OGA: variants seen among roughly 807,000 people sequenced by gnomAD.
OGA encodes the protein O-GlcNAcase.
OGA carries 21 observed loss-of-function variants against 102.0 expected under a neutral mutation model. The observed-to-expected ratio is 0.21, with a 90% CI of 0.15 to 0.30. The LOEUF (loss-of-function observed/expected upper bound fraction) is 0.30. Among genes scored for constraint, OGA ranks in the 10% least tolerant of loss-of-function variants. The pLI is 1.00. For missense variants in OGA, 765 were observed against 1,107.8 expected, an observed-to-expected ratio of 0.69 and a Z score of 4.39; for synonymous variants, 408 against 378.2, an observed-to-expected ratio of 1.08 and a Z score of -0.91.
chr10:101,811,627 G>A lies in OGA; in HGVS notation c.350-1313C>T, dbSNP rs187436511. On this transcript the variant is annotated intron_variant, in intron 3 of 15. Coordinates refer to ENST00000361464, the MANE Select transcript of OGA (RefSeq NM_012215.5). ...CTGAGGCGGGAGGATTGCTTGAGCC[G>A]GGGAGATCAAAATTGCAGTGAGTCA... is the stretch of plus-strand genomic sequence containing the variant. Among the ~76,000 whole-genome samples, 126 of 151,826 alleles carry A rather than the reference G, an allele frequency of 8.3e-4. 1 individual carries two copies. The highest frequency in any genetic ancestry group is 2.9e-3 in the African/African-American group (119 of 41,398).
chr10:101,807,755 T>C lies in OGA; in HGVS notation c.627A>G (p.Pro209=). Residue 209 remains proline, a synonymous_variant, in exon 5 of 16, where the codon CCA becomes CCG. Coordinates refer to ENST00000361464, the MANE Select transcript of OGA (RefSeq NM_012215.5). The part of the protein sequence containing the change: ...TNEIYQYLGE[P]ETFLFCPTEY... The stretch of plus-strand genomic sequence containing the variant: ...CTGTGGGACAGAAGAGGAAAGTTTC[T>C]GGCTCTCCTAGGTACTGATAGATTT... The C allele has an allele frequency of 1.2e-6, 2 of 1,600,576 alleles. No homozygotes were observed. Among genetic ancestry groups the C allele is most frequent in the East Asian group, 2.2e-5 (1 of 44,618 alleles).
chr10:101,803,273 G>A (rs1424055390), intron 7 of OGA, among the ~76,000 whole-genome samples: 1 of 151,358 alleles, frequency 6.6e-6, no homozygotes, highest in African/African-American at 2.4e-5. Flanking sequence ...CATTTTATCC[G>A]AATGATTCTA....
At chr10:101,816,661 A>G (rs2065629435) in intron 1 of OGA, among the ~76,000 whole-genome samples, 1 of 152,250 alleles carries the variant, frequency 6.6e-6, no homozygotes, top group Non-Finnish European at 1.5e-5. Context: ...AATACTATAT[A>G]GCAGTTTTCC....
chr10:101,811,511 C>G (rs887710220), intron 3 of OGA, among the ~76,000 whole-genome samples: 1 of 148,674 alleles, frequency 6.7e-6, no homozygotes, highest in East Asian at 2.0e-4. Flanking sequence ...GAGACCAGCA[C>G]AGGCAACATG....
At chr10:101,809,511 T>A (rs1054584643) in intron 4 of OGA, among the ~76,000 whole-genome samples, 1 of 151,520 alleles carries the variant, frequency 6.6e-6, no homozygotes, top group African/African-American at 2.4e-5. Flanking sequence ...AAGTCAGGAG[T>A]TCGAGACCAG....
chr10:101,798,456 G>A (rs2065346107), intron 9 of OGA, among the ~76,000 whole-genome samples: 1 of 149,392 alleles, frequency 6.7e-6, no homozygotes, highest in Non-Finnish European at 1.5e-5. Context: ...CGTCACCCAG[G>A]CTGGAGTACA....
At chr10:101,786,645 G>GTTTT in intron 15 of OGA, 58 bp from the exon 16 acceptor site, 5 of 1,335,398 alleles carry the variant, frequency 3.7e-6, no homozygotes, top group Non-Finnish European at 5.0e-6. Flanking sequence ...TATAATTATA[G>GTTTT]ATATAAAACT....
At chr10:101,793,383 G>T (rs1037339349) in intron 11 of OGA, among the ~76,000 whole-genome samples, 7 of 152,218 alleles carry the variant, frequency 4.6e-5, no homozygotes, top group African/African-American at 1.4e-4. Flanking sequence ...TCAGTTTGCT[G>T]TGCGCAGCAG....
In OGA at chr10:101,799,073, G is replaced by A. The variant is rs1408278205; in HGVS notation, c.1578C>T (p.Pro526=). The part of the protein sequence containing the change: ...MQEDCISDIA[P]MQTDEQTNKE... ...TGTTTGTCTGTTCATCAGTTTGCAT[G>A]GGGGCAATGTCACTAATACAATCTT... is the stretch of plus-strand genomic sequence containing the variant. The change falls in exon 9 of 16, where the codon CCC becomes CCT. Residue 526 remains proline, a synonymous_variant. Coordinates refer to ENST00000361464, the MANE Select transcript of OGA (RefSeq NM_012215.5). 2 of 1,614,208 alleles carry A rather than the reference G, an allele frequency of 1.2e-6. No individual in the cohort carries two copies. The highest frequency in any genetic ancestry group is 3.3e-5 in the Admixed American group (2 of 60,026).
At chr10:101,808,661 C>T (rs1422652140) in intron 4 of OGA, among the ~76,000 whole-genome samples, 2 of 151,938 alleles carry the variant, frequency 1.3e-5, no homozygotes, top group African/African-American at 4.8e-5. Flanking sequence ...ATAGAAAAAC[C>T]AGCAAACTAA....
chr10:101,798,693 C>A (rs775973326), intron 9 of OGA, 149 bp downstream of exon 9: 29 of 1,023,326 alleles, frequency 2.8e-5, no homozygotes, highest in Non-Finnish European at 3.9e-5. Context: ...GGACTACAGG[C>A]ATGAGCCATC....
intron 11 of OGA, among the ~76,000 whole-genome samples, chr10:101,793,510 ATTATAT>A (rs1204836250): frequency 6.6e-6 from 1 of 152,266 alleles, no homozygotes; most frequent in Non-Finnish European, 1.5e-5. Context: ...TTTCAAGCAC[ATTATAT>A]TTATAAAATA....
rs779979300 is a variant in OGA at position 101,798,082 on chromosome 10, G to A, written c.1882C>T (p.Leu628Phe). The A allele has an allele frequency of 1.4e-5, 23 of 1,613,924 alleles. No individual in the cohort carries two copies. The highest frequency in any genetic ancestry group is 1.8e-5 in the Non-Finnish European group (21 of 1,179,954). The change falls in exon 10 of 16, where the codon CTC becomes TTC. Residue 628 changes from leucine to phenylalanine, a missense_variant. By Grantham distance (22) the Leu-to-Phe change is conservative (BLOSUM62 0). Around this residue, in one of 7 missense-constraint regions of OGA, gnomAD observed 281 missense variants for 345.8 expected, o/e 0.81. Coordinates refer to ENST00000361464, the MANE Select transcript of OGA (RefSeq NM_012215.5). ...ATTGTCCTGTTGGCACAATTGGAGA[G>A]CCGAGTGAACATTCCCATCACTAGT... The part of the protein sequence containing the change: ...CGLVMGMFTR[L>F]SNCANRTILY...
chr10:101,817,793 G>C, intron 1 of OGA, 31 bp downstream of exon 1: 1 of 1,534,718 alleles, frequency 6.5e-7, no homozygotes, highest in Non-Finnish European at 8.7e-7. Context: ...ACGTGTTAGT[G>C]CCAAAACGGG....
At chr10:101,806,359 C>A (rs1212272196) in intron 5 of OGA, among the ~76,000 whole-genome samples, 1 of 152,196 alleles carries the variant, frequency 6.6e-6, no homozygotes, top group Non-Finnish European at 1.5e-5. Context: ...CACGCCGCCA[C>A]GCCCGGCTAA....
At chr10:101,791,224 A>G (rs566988136) in intron 13 of OGA, 130 bp downstream of exon 13, 30 of 1,204,588 alleles carry the variant, frequency 2.5e-5, no homozygotes, top group Non-Finnish European at 3.2e-5. Context: ...AAATGCACAC[A>G]TATTCAGATT....
rs369708972 is a variant in OGA at position 101,804,636 on chromosome 10, G to A, written c.752-617C>T. ...AGACAGGGTCTCCTCTGTTACCCAG[G>A]CTGAAGTGCAATGGAGTAATCATGG... On this transcript the variant is annotated intron_variant, in intron 6 of 15. Coordinates refer to ENST00000361464, the MANE Select transcript of OGA (RefSeq NM_012215.5). 2.0e-5 allele frequency among the ~76,000 whole-genome samples: 3 copies of A among 152,012 alleles called. No individual in the cohort carries two copies. In the South Asian group the frequency reaches 6.2e-4, roughly 32 times the overall value.
intron 4 of OGA, 88 bp from the exon 5 acceptor site, chr10:101,807,989 T>G: frequency 9.4e-7 from 1 of 1,059,932 alleles, no homozygotes; most frequent in Non-Finnish European, 1.3e-6. Context: ...TAAAATCCAG[T>G]ATTTTCCTTA....
At position 101,791,523 on chromosome 10, in the gene OGA, GGGAGTAACAAAAT is replaced by G. The variant is rs2065259064; in HGVS notation, c.2176-97_2176-85del. 6.4e-5 allele frequency: 69 copies of G among 1,084,308 alleles called. No homozygotes were observed. The South Asian group carries it at 8.3e-4, about 13-fold the overall frequency. 67.2% of individuals were successfully genotyped at this position (1,084,308 alleles called of 1,614,324 possible). A position where few individuals can be genotyped will look rare whatever the true frequency, so the allele number is the denominator to read the frequency against. ...TATAACTCACAAGTCAGTCTGGGGA[GGGAGTAACAAAAT>G]GGCCTGTCAGAAACATCTATCAGAA... On this transcript the variant is annotated intron_variant, in intron 12 of 15. Coordinates refer to ENST00000361464, the MANE Select transcript of OGA (RefSeq NM_012215.5).
Sources: allele counts gnomAD v4.1 joint callset (sites outside exome capture counted in the v4.1 genomes callset), GRCh38; gene constraint gnomAD v4.1.1; regional missense constraint gnomAD v4.1.1; transcripts MANE v1.5; gene names NCBI Gene and HGNC (gene_info 2026-07-23, HGNC 2026-07-21).